Variants in CCDC73 observed in about 807,000 individuals in gnomAD.
CCDC73 encodes coiled-coil domain containing 73.
CCDC73 carries 95 observed loss-of-function variants against 116.5 expected under a neutral mutation model. The observed-to-expected ratio is 0.82, with a 90% CI of 0.69 to 0.97. The LOEUF (loss-of-function observed/expected upper bound fraction) is 0.97, where lower values mean the gene tolerates loss of function less well. Ranked by LOEUF, CCDC73 falls within the 50% of genes least tolerant of loss-of-function variation. The probability of loss-of-function intolerance (pLI) is 0.00; values close to 1 mark genes in which losing one functional copy is unlikely to be tolerated. For missense variants in CCDC73, 1,066 were observed against 1,206.8 expected (o/e 0.88, Z 1.73); for synonymous variants, 398 against 401.3 (o/e 0.99, Z 0.10).
rs1412074291 is a variant in CCDC73, at chr11:32,614,333, A to G, written c.1985T>C (p.Ile662Thr). 9 of 1,611,668 alleles carry G rather than the reference A, an allele frequency of 5.6e-6. No homozygotes were observed. Among genetic ancestry groups the G allele is most frequent in the African/African-American group, 1.3e-5 (1 of 74,792 alleles). Residue 662 changes from isoleucine to threonine, a missense_variant, in exon 16 of 18, where the codon ATA becomes ACA. By Grantham distance (89) the Ile-to-Thr change is moderately conservative. Coordinates refer to ENST00000335185, the MANE Select transcript of CCDC73 (RefSeq NM_001008391.4). The stretch of plus-strand genomic sequence containing the variant: ...TTTAGTTAACAGTTGTATTTGTTTT[A>G]TTTTACATTGTTTATCATCTAACAT... ...NVMLDDKQCKIKQIQLLTKKS... is the reference protein window; with the variant it reads ...NVMLDDKQCKTKQIQLLTKKS...
intron 6 of CCDC73, 62 bp from the exon 7 acceptor site, chr11:32,683,636 G>T: frequency 1.0e-6 from 1 of 972,736 alleles, no homozygotes; most frequent in Non-Finnish European, 1.6e-6. Flanking sequence ...AAATTCCTCT[G>T]ATATCAAAAG....
chr11:32,760,074 C>T, intron 2 of CCDC73, 35 bp downstream of exon 2: 1 of 1,542,600 alleles, frequency 6.5e-7, no homozygotes, highest in Non-Finnish European at 8.8e-7. Context: ...ATCAAGTTTT[C>T]TTATTTAACA....
At chr11:32,711,879 C>T (rs1455989335) in intron 3 of CCDC73, among the ~76,000 whole-genome samples, 1 of 152,118 alleles carries the variant, frequency 6.6e-6, no homozygotes, top group African/African-American at 2.4e-5. Context: ...TAACAGAACA[C>T]CATGGGAGTC....
intron 6 of CCDC73, among the ~76,000 whole-genome samples, chr11:32,699,028 T>C (rs1849786169): frequency 6.6e-6 from 1 of 151,786 alleles, no homozygotes; most frequent in Non-Finnish European, 1.5e-5. Context: ...ACTATATTAA[T>C]AAGATATACT....
chr11:32,760,906 G>A (rs1275432053), intron 1 of CCDC73, among the ~76,000 whole-genome samples: 1 of 152,128 alleles, frequency 6.6e-6, no homozygotes, highest in African/African-American at 2.4e-5. Flanking sequence ...TATTAAAAAT[G>A]TGCATCTGAC....
chr11:32,622,426 G>A (rs770927476), intron 14 of CCDC73, among the ~76,000 whole-genome samples: 20 of 152,028 alleles, frequency 1.3e-4, no homozygotes, highest in East Asian at 1.2e-3. Context: ...ACCAAATACC[G>A]CATGTTCTTA....
At chr11:32,730,255 C>G (rs187697926) in intron 2 of CCDC73, among the ~76,000 whole-genome samples, 15 of 152,352 alleles carry the variant, frequency 9.8e-5, no homozygotes, top group African/African-American at 3.6e-4. Flanking sequence ...GCAAACCCCT[C>G]TCCTATCCTC....
At chr11:32,814,004 T>G in the CCDC73 span, among the ~76,000 whole-genome samples, 1 of 152,248 alleles carries the variant, frequency 6.6e-6, no homozygotes. Context: ...CTTTCCATCC[T>G]TGAACATGTT....
upstream of CCDC73, among the ~76,000 whole-genome samples, chr11:32,799,515 T>C (rs1850753378): frequency 6.6e-6 from 1 of 152,174 alleles, no homozygotes; most frequent in Non-Finnish European, 1.5e-5. Flanking sequence ...AATGTGAATC[T>C]TTATTACAAT....
rs543510807 is a variant in CCDC73, at chr11:32,764,061, G to GA, written c.-15-3804dup. 1.6e-4 allele frequency among the ~76,000 whole-genome samples: 24 copies of GA among 152,276 alleles called. No individual in the cohort carries two copies. The East Asian group carries it at 1.9e-3, about 12-fold the overall frequency. On this transcript the variant is annotated intron_variant, in intron 1 of 17. Coordinates refer to ENST00000335185, the MANE Select transcript of CCDC73 (RefSeq NM_001008391.4). ...AACAAAGCGAGAAGAGAAGTTTATA[G>GA]AAAAAACAGTAAAAAGAAATGAACA... is the stretch of plus-strand genomic sequence containing the variant.
Position 32,704,967 on chromosome 11 carries a change from G to C in CCDC73, c.208-2023C>G, listed in dbSNP as rs148622269. Among the ~76,000 whole-genome samples, 60 of 152,300 alleles carry C rather than the reference G, an allele frequency of 3.9e-4. No homozygotes were observed. In the East Asian group the frequency reaches 0.011, roughly 28 times the overall value. Reference sequence around the variant, plus strand: ...TTGTCAGTGTAACCTCATTCTTCCTGGACATGGGACAAGAACTCAGAACCC... The same window carrying C: ...TTGTCAGTGTAACCTCATTCTTCCTCGACATGGGACAAGAACTCAGAACCC... On this transcript the variant is annotated intron_variant, in intron 3 of 17. Transcript: ENST00000335185.
At chr11:32,761,738 T>C (rs1850394065) in intron 1 of CCDC73, among the ~76,000 whole-genome samples, 1 of 152,052 alleles carries the variant, frequency 6.6e-6, no homozygotes, top group Admixed American at 6.6e-5. Context: ...AAAAGACTCA[T>C]ATGCACATAT....
At chr11:32,776,960 TACACACAC>T (rs61055031) in intron 1 of CCDC73, among the ~76,000 whole-genome samples, 2 of 37,850 alleles carry the variant, frequency 5.3e-5, no homozygotes, top group South Asian at 8.5e-4. Flanking sequence ...TATATATATA[TACACACAC>T]ACACATATAT....
intron 2 of CCDC73, among the ~76,000 whole-genome samples, chr11:32,724,767 C>T (rs2133338899): frequency 6.6e-6 from 1 of 152,276 alleles, no homozygotes; most frequent in African/African-American, 2.4e-5. Flanking sequence ...ACCCTACTCA[C>T]ATCACATGCG....
intron 1 of CCDC73, among the ~76,000 whole-genome samples, chr11:32,774,799 A>AG (rs776863740): frequency 5.3e-5 from 8 of 152,234 alleles, no homozygotes; most frequent in Non-Finnish European, 1.0e-4. Context: ...TTCCTAGCAT[A>AG]GGTACAGCAC....
intron 3 of CCDC73, among the ~76,000 whole-genome samples, chr11:32,711,505 T>C (rs1262301509): frequency 1.3e-5 from 2 of 152,098 alleles, no homozygotes; most frequent in African/African-American, 4.8e-5. Flanking sequence ...CTGGATGAAA[T>C]TGGAGACTTT....
intron 6 of CCDC73, among the ~76,000 whole-genome samples, chr11:32,697,229 C>T (rs1175165526): frequency 2.0e-5 from 3 of 151,974 alleles, no homozygotes; most frequent in African/African-American, 7.2e-5. Context: ...TAAGTTGCAG[C>T]TAATAGGTGA....
At chr11:32,641,057 G>A (rs973924715) in intron 13 of CCDC73, among the ~76,000 whole-genome samples, 1 of 151,604 alleles carries the variant, frequency 6.6e-6, no homozygotes, top group Non-Finnish European at 1.5e-5. Context: ...AAACATGTTA[G>A]TTTCAAGTGA....
the CCDC73 span, among the ~76,000 whole-genome samples, chr11:32,800,198 TGG>T: frequency 6.6e-6 from 1 of 152,182 alleles, no homozygotes; most frequent in Non-Finnish European, 1.5e-5. Context: ...ATTAGTATGA[TGG>T]ATTAATCAAC....
Sources: gnomAD v4.1 joint callset for allele counts (sites outside exome capture counted in the v4.1 genomes callset) on GRCh38, gnomAD v4.1.1 for gene constraint, MANE v1.5 for transcripts, NCBI Gene and HGNC (gene_info 2026-07-23, HGNC 2026-07-21) for gene names.